The following FCHO2 variants were observed in gnomAD, a reference collection of about 807,000 sequenced individuals.
FCHO2 encodes the protein FCH and mu domain containing endocytic adaptor 2.
A neutral mutation model predicts 114.1 loss-of-function variants in FCHO2; 43 were observed. That is an observed-to-expected ratio of 0.38 (90% confidence interval 0.30 to 0.49). The LOEUF (loss-of-function observed/expected upper bound fraction) is 0.49, where lower values mean the gene tolerates loss of function less well. FCHO2 is among the 20% of genes least tolerant of loss of function. The probability of loss-of-function intolerance (pLI) is 0.97; values close to 1 mark genes in which losing one functional copy is unlikely to be tolerated. For synonymous variants in FCHO2, 293 were observed against 315.2 expected, an observed-to-expected ratio of 0.93 and a Z score of 0.75; for missense variants, 807 against 950.4, an observed-to-expected ratio of 0.85 and a Z score of 1.98.
At chr5:73,068,466 A>T (rs949661752) in intron 18 of FCHO2, among the ~76,000 whole-genome samples, 184 bp from the exon 19 acceptor site, 10 of 152,076 alleles carry the variant, frequency 6.6e-5, no homozygotes, top group Non-Finnish European at 1.3e-4. Flanking sequence ...ATTTCAAAAT[A>T]ATCTTTTCAG....
At chr5:73,026,544 T>G (rs1202223932) in intron 8 of FCHO2, among the ~76,000 whole-genome samples, 3 of 152,194 alleles carry the variant, frequency 2.0e-5, no homozygotes, top group Non-Finnish European at 4.4e-5. Flanking sequence ...TTATTTTTAG[T>G]CAGTTATCTA....
In FCHO2 at chr5:73,082,838, G is replaced by A. The variant is rs1277126795; in HGVS notation, c.2245+13G>A. 1.3e-6 allele frequency: 2 copies of A among 1,562,088 alleles called. No individual in the cohort carries two copies. The highest frequency in any genetic ancestry group is 2.3e-5 in the East Asian group (1 of 44,158). On this transcript the variant is annotated intron_variant, in intron 24 of 25. Coordinates refer to ENST00000430046, the MANE Select transcript of FCHO2 (RefSeq NM_138782.3). ...TCAGAAAATGGAGGTAAGTGTGTGT[G>A]TCCTTTTTTATTTATAAAATGATGT...
At chr5:73,070,640 A>T (rs372353939) in intron 19 of FCHO2, among the ~76,000 whole-genome samples, 2 of 145,284 alleles carry the variant, frequency 1.4e-5, no homozygotes, top group African/African-American at 2.6e-5. Flanking sequence ...TTTAATTTCT[A>T]TTGAATTGGT....
chr5:73,062,142 A>G (rs1440561925), intron 17 of FCHO2, among the ~76,000 whole-genome samples: 1 of 152,056 alleles, frequency 6.6e-6, no homozygotes, highest in Non-Finnish European at 1.5e-5. Context: ...CCACCCCACC[A>G]CCAGCAAAAA....
At chr5:73,044,593 G>A (rs1383001782) in intron 11 of FCHO2, among the ~76,000 whole-genome samples, 2 of 152,018 alleles carry the variant, frequency 1.3e-5, no homozygotes, top group African/African-American at 4.8e-5. Context: ...TTTCTTTAAA[G>A]GTCTATGTAA....
At chr5:73,049,168 G>A (rs1434950639) in intron 11 of FCHO2, among the ~76,000 whole-genome samples, 1 of 152,046 alleles carries the variant, frequency 6.6e-6, no homozygotes, top group African/African-American at 2.4e-5. Context: ...GAGCCACCGC[G>A]CCCGGCCTGA....
At chr5:73,051,068 T>C in intron 11 of FCHO2, 1 of 317,568 alleles carries the variant, frequency 3.1e-6, no homozygotes, top group Non-Finnish European at 5.7e-6. Flanking sequence ...CAATCTGAAT[T>C]GGTCCCCACC....
chr5:73,067,577 A>T (rs777562954), intron 18 of FCHO2, among the ~76,000 whole-genome samples: 1 of 152,066 alleles, frequency 6.6e-6, no homozygotes, highest in South Asian at 2.1e-4. Context: ...TATTCATGCA[A>T]TGAAGAATTG....
intron 18 of FCHO2, 104 bp downstream of exon 18, chr5:73,064,048 C>T: frequency 4.6e-6 from 5 of 1,081,636 alleles, no homozygotes; most frequent in Non-Finnish European, 6.7e-6. Context: ...AAGTTTTCTA[C>T]CCATGTCCTC....
chr5:73,006,677 C>A, intron 6 of FCHO2, 128 bp downstream of exon 6: 2 of 606,604 alleles, frequency 3.3e-6, no homozygotes, highest in South Asian at 3.4e-5. Flanking sequence ...GTTAATGATG[C>A]TGTTTTAAAA....
At chr5:72,978,196 G>A (rs1296414444) in intron 2 of FCHO2, among the ~76,000 whole-genome samples, 1 of 152,128 alleles carries the variant, frequency 6.6e-6, no homozygotes, top group Non-Finnish European at 1.5e-5. Flanking sequence ...AAATTACTTT[G>A]GGCAGTATGG....
At chr5:73,019,672 G>A (rs1248466922) in intron 8 of FCHO2, among the ~76,000 whole-genome samples, 2 of 152,144 alleles carry the variant, frequency 1.3e-5, no homozygotes, top group African/African-American at 2.4e-5. Flanking sequence ...TCCAGTGCAC[G>A]TAACACTAAG....
At chr5:73,021,489 C>G (rs536583869) in intron 8 of FCHO2, among the ~76,000 whole-genome samples, 2 of 152,256 alleles carry the variant, frequency 1.3e-5, no homozygotes, top group Admixed American at 1.3e-4. Context: ...CTTTAGTTGT[C>G]CTTAATCCTT....
chr5:73,003,078 G>C (rs972337647), intron 5 of FCHO2, among the ~76,000 whole-genome samples: 1 of 152,048 alleles, frequency 6.6e-6, no homozygotes, highest in Admixed American at 6.6e-5. Context: ...TATTATCATA[G>C]CTCACTGCAG....
chr5:73,005,425 T>G (rs1203676534), intron 5 of FCHO2, among the ~76,000 whole-genome samples: 1 of 152,150 alleles, frequency 6.6e-6, no homozygotes, highest in Non-Finnish European at 1.5e-5. Flanking sequence ...GGTTTGAAAC[T>G]TTTTTTGTTC....
intron 11 of FCHO2, among the ~76,000 whole-genome samples, chr5:73,046,294 C>T (rs909831121): frequency 3.3e-5 from 5 of 152,046 alleles, no homozygotes; most frequent in Admixed American, 6.6e-5. Flanking sequence ...CTTGAACTCT[C>T]GGCCTCAAGT....
chr5:73,065,726 G>T (rs1211363254), intron 18 of FCHO2, among the ~76,000 whole-genome samples: 1 of 151,838 alleles, frequency 6.6e-6, no homozygotes, highest in African/African-American at 2.4e-5. Context: ...TCTATATCAT[G>T]AATTATTCTT....
At chr5:72,977,819 G>T (rs1561416058) in intron 2 of FCHO2, among the ~76,000 whole-genome samples, 1 of 152,158 alleles carries the variant, frequency 6.6e-6, no homozygotes, top group Non-Finnish European at 1.5e-5. Context: ...AAGGGGTCCA[G>T]TTTCAGTTTT....
rs115108299 is a variant in FCHO2 at position 73,029,236 on chromosome 5, A to G, written c.797-5421A>G. 3.6e-3 allele frequency among the ~76,000 whole-genome samples: 542 copies of G among 152,292 alleles called. 5 individuals are homozygous for G. The highest frequency in any genetic ancestry group is 0.013 in the African/African-American group (527 of 41,568). On this transcript the variant is annotated intron_variant, in intron 8 of 25. Coordinates refer to ENST00000430046, the MANE Select transcript of FCHO2 (RefSeq NM_138782.3). ...GGTTTTGGCATGAGTAACTGAAAGGATATGGTTGCAACTAACATGGAGAAT... is the reference window on the plus strand; with the variant it reads ...GGTTTTGGCATGAGTAACTGAAAGGGTATGGTTGCAACTAACATGGAGAAT...
Sources: gnomAD v4.1 joint callset for allele counts (sites outside exome capture counted in the v4.1 genomes callset) on GRCh38, gnomAD v4.1.1 for gene constraint, MANE v1.5 for transcripts, NCBI Gene and HGNC (gene_info 2026-07-23, HGNC 2026-07-21) for gene names.